The following LOXHD1 variants were observed in gnomAD, a reference collection of about 807,000 sequenced individuals.
LOXHD1 encodes lipoxygenase homology PLAT domains 1, also known as lipoxygenase homology domain-containing protein 1.
Under a neutral mutation model 248.2 loss-of-function variants are expected in LOXHD1, and 205 were observed. The observed-to-expected ratio is 0.83, with a 90% CI of 0.74 to 0.93. LOXHD1 has a LOEUF of 0.93. Ranked by LOEUF, LOXHD1 falls within the 40% of genes least tolerant of loss-of-function variation. The pLI, the probability that LOXHD1 is intolerant of heterozygous loss-of-function variation, is 0.00. For synonymous variants in LOXHD1, 1,113 were observed against 1,162.8 expected, an observed-to-expected ratio of 0.96 and a Z score of 0.87; for missense variants, 2,930 against 2,971.6, an observed-to-expected ratio of 0.99 and a Z score of 0.33.
intron 32 of LOXHD1, among the ~76,000 whole-genome samples, chr18:46,521,717 G>A (rs1009613266): frequency 3.3e-5 from 5 of 152,076 alleles, no homozygotes; most frequent in African/African-American, 9.7e-5. Flanking sequence ...AGATAAAATC[G>A]CAGCCCTGGC....
chr18:46,586,296 G>A (rs989976790), intron 12 of LOXHD1, among the ~76,000 whole-genome samples: 5 of 152,104 alleles, frequency 3.3e-5, no homozygotes, highest in Admixed American at 2.0e-4. Flanking sequence ...TTTCTTTTTG[G>A]GGGAGATGAA....
At chr18:46,539,460 TA>T (rs35650595) in intron 25 of LOXHD1, among the ~76,000 whole-genome samples, 11,268 of 150,284 alleles carry the variant, frequency 0.075, 560 homozygotes, top group Non-Finnish European at 0.1. Context: ...GACTCTCTCT[TA>T]AAAAAAAAAT....
At chr18:46,620,414 C>T (rs527503467) in intron 4 of LOXHD1, among the ~76,000 whole-genome samples, 23 of 152,274 alleles carry the variant, frequency 1.5e-4, no homozygotes, top group African/African-American at 5.1e-4. Flanking sequence ...AGCAGGGCTC[C>T]AGGGGAAACT....
intron 34 of LOXHD1, among the ~76,000 whole-genome samples, chr18:46,511,080 T>C (rs985864238): frequency 1.3e-5 from 2 of 152,220 alleles, no homozygotes; most frequent in Non-Finnish European, 2.9e-5. Context: ...TTTATGGAGA[T>C]TTTATGGTGG....
intron 4 of LOXHD1, among the ~76,000 whole-genome samples, chr18:46,630,289 C>T (rs2038803350): frequency 1.3e-5 from 2 of 152,222 alleles, no homozygotes; most frequent in Admixed American, 1.3e-4. Flanking sequence ...GTGGAGCCTT[C>T]CCCAGGCAGT....
chr18:46,539,236 T>C (rs80068260), intron 25 of LOXHD1, among the ~76,000 whole-genome samples: 2 of 152,166 alleles, frequency 1.3e-5, no homozygotes, highest in African/African-American at 2.4e-5. Context: ...CGAGGTGGGC[T>C]AATCACTAGA....
At chr18:46,648,688 A>C (rs2039065959) in intron 2 of LOXHD1, among the ~76,000 whole-genome samples, 1 of 152,222 alleles carries the variant, frequency 6.6e-6, no homozygotes. Context: ...ACACACAAGC[A>C]ATCCCTGCGG....
chr18:46,613,349 T>C (rs2038536435), intron 5 of LOXHD1, among the ~76,000 whole-genome samples: 1 of 152,134 alleles, frequency 6.6e-6, no homozygotes, highest in Non-Finnish European at 1.5e-5. Flanking sequence ...ATGCAAATAA[T>C]ATATTTTTAA....
chr18:46,551,268 A>G (rs2037093034), intron 21 of LOXHD1, among the ~76,000 whole-genome samples: 2 of 151,682 alleles, frequency 1.3e-5, no homozygotes, highest in African/African-American at 2.4e-5. Context: ...ACGTCTGGCT[A>G]ATTTTTTGTA....
intron 1 of LOXHD1, among the ~76,000 whole-genome samples, chr18:46,651,530 C>G (rs1406503646): frequency 2.0e-5 from 3 of 151,570 alleles, no homozygotes; most frequent in African/African-American, 7.3e-5. Context: ...ACATAGACAC[C>G]GGAGAATGCT....
At chr18:46,545,627 C>CCTTTTTT in intron 22 of LOXHD1, among the ~76,000 whole-genome samples, 1 of 92,236 alleles carries the variant, frequency 1.1e-5, no homozygotes, top group Non-Finnish European at 2.0e-5. Flanking sequence ...TTGGCCATTT[C>CCTTTTTT]TTTTTTTTTT....
intron 21 of LOXHD1, among the ~76,000 whole-genome samples, chr18:46,550,646 G>A (rs367618141): frequency 9.5e-5 from 14 of 147,028 alleles, no homozygotes; most frequent in Admixed American, 8.2e-4. Context: ...CTATAAGGAC[G>A]ATCACAGAAG....
At chr18:46,579,387 T>G (rs1166255099) in intron 13 of LOXHD1, among the ~76,000 whole-genome samples, 1 of 152,174 alleles carries the variant, frequency 6.6e-6, no homozygotes, top group Non-Finnish European at 1.5e-5. Flanking sequence ...CAGGTGTCCA[T>G]GCATATTAGT....
In LOXHD1 at chr18:46,639,803, G is replaced by A. The variant is rs989244552; in HGVS notation, c.327-3C>T. The A allele has an allele frequency of 1.9e-6, 3 of 1,551,684 alleles. No homozygotes were observed. Among genetic ancestry groups the A allele is most frequent in the African/African-American group, 2.7e-5 (2 of 73,154 alleles). ...AGCCCGTGTTGTCATGCTCAATCCTGAGGCAGAAGCCAAGGCCCACACCAT... is the reference window on the plus strand; with the variant it reads ...AGCCCGTGTTGTCATGCTCAATCCTAAGGCAGAAGCCAAGGCCCACACCAT... On this transcript the variant is annotated splice_polypyrimidine_tract_variant and splice_region_variant and intron_variant, in intron 3 of 40. Transcript: ENST00000642948.
intron 10 of LOXHD1, among the ~76,000 whole-genome samples, chr18:46,592,853 G>C (rs2144237485): frequency 6.6e-6 from 1 of 152,320 alleles, no homozygotes; most frequent in Admixed American, 6.5e-5. Context: ...GTGGGATTCA[G>C]ACTAAAGAAG....
chr18:46,525,331 G>T (rs183328188), intron 29 of LOXHD1, among the ~76,000 whole-genome samples: 1 of 152,260 alleles, frequency 6.6e-6, no homozygotes, highest in African/African-American at 2.4e-5. Flanking sequence ...GCAACCGGAG[G>T]GCAAAAGCTC....
At chr18:46,649,721 A>G (rs2039083647) in intron 1 of LOXHD1, among the ~76,000 whole-genome samples, 1 of 152,130 alleles carries the variant, frequency 6.6e-6, no homozygotes, top group South Asian at 2.1e-4. Context: ...TTTCAGTCTC[A>G]GAATAAGCCG....
At chr18:46,604,064 A>C in intron 7 of LOXHD1, 42 bp downstream of exon 7, 1 of 1,550,544 alleles carries the variant, frequency 6.4e-7, no homozygotes, top group Non-Finnish European at 8.7e-7. Flanking sequence ...CTTAGGCAGA[A>C]AGTGAAATAC....
At chr18:46,619,434 G>C (rs1331869623) in intron 4 of LOXHD1, among the ~76,000 whole-genome samples, 1 of 152,126 alleles carries the variant, frequency 6.6e-6, no homozygotes, top group Non-Finnish European at 1.5e-5. Context: ...TTACTGTCTT[G>C]TGTTGTTTGC....
Sources: allele counts gnomAD v4.1 joint callset (sites outside exome capture counted in the v4.1 genomes callset), GRCh38; gene constraint gnomAD v4.1.1; transcripts MANE v1.5; gene names NCBI Gene and HGNC (gene_info 2026-07-23, HGNC 2026-07-21).